Variants in TMEM232 observed in about 807,000 individuals in gnomAD.
The protein encoded by TMEM232 is transmembrane protein 232.
Under a neutral mutation model 78.8 loss-of-function variants are expected in TMEM232, and 80 were observed. The observed-to-expected ratio is 1.01, with a 90% CI of 0.85 to 1.22. The LOEUF (loss-of-function observed/expected upper bound fraction) is 1.22, where lower values mean the gene tolerates loss of function less well. Ranked by LOEUF, TMEM232 falls within the 50% of genes most tolerant of loss-of-function variation. The probability of loss-of-function intolerance (pLI) is 0.00; values close to 1 mark genes in which losing one functional copy is unlikely to be tolerated. For missense variants in TMEM232, 881 were observed against 742.2 expected (o/e 1.19, Z -2.17); for synonymous variants, 297 against 254.3 (o/e 1.17, Z -1.60).
chr5:110,595,146 C>A (rs971893111), intron 10 of TMEM232, among the ~76,000 whole-genome samples: 6 of 152,168 alleles, frequency 3.9e-5, no homozygotes, highest in African/African-American at 1.4e-4. Flanking sequence ...CTGGAGTGGA[C>A]CTCCAGCAAA....
intron 2 of TMEM232, among the ~76,000 whole-genome samples, chr5:110,732,561 C>T (rs1798782204): frequency 6.6e-6 from 1 of 152,102 alleles, no homozygotes; most frequent in South Asian, 2.1e-4. Context: ...AGCGGAAACC[C>T]CTGATAAGCC....
At chr5:110,547,930 G>A (rs535986427) in intron 11 of TMEM232, among the ~76,000 whole-genome samples, 156 of 145,502 alleles carry the variant, frequency 1.1e-3, no homozygotes, top group African/African-American at 3.6e-3. Context: ...CCCGGGAGGC[G>A]AAGGTTGCAG....
At chr5:110,701,267 A>G (rs893729025) in intron 1 of TMEM232, among the ~76,000 whole-genome samples, 4 of 151,996 alleles carry the variant, frequency 2.6e-5, no homozygotes, top group African/African-American at 9.7e-5. Flanking sequence ...GGTTCCAATC[A>G]TCTACTGAAA....
chr5:110,407,261 A>G (rs151176291), intron 2 of TMEM232, among the ~76,000 whole-genome samples: 3,368 of 152,208 alleles, frequency 0.022, 38 homozygotes, highest in South Asian at 0.03. Context: ...AGCTGAATGG[A>G]TAAAGAAACA....
chr5:110,606,332 A>T (rs1580339778), intron 8 of TMEM232, 45 bp from the exon 9 acceptor site: 3 of 1,448,388 alleles, frequency 2.1e-6, no homozygotes, highest in Non-Finnish European at 2.8e-6. Flanking sequence ...AATGGAAAAT[A>T]ATAATAATAA....
At chr5:110,393,128 A>G (rs898112559) in intron 3 of TMEM232, among the ~76,000 whole-genome samples, 2 of 152,204 alleles carry the variant, frequency 1.3e-5, no homozygotes, top group African/African-American at 4.8e-5. Flanking sequence ...ACACTTGTGT[A>G]TTCTGCTGTA....
chr5:110,700,390 G>A (rs1018411163), intron 1 of TMEM232, among the ~76,000 whole-genome samples: 2 of 151,978 alleles, frequency 1.3e-5, no homozygotes, highest in Admixed American at 6.6e-5. Context: ...TTGGGATTGC[G>A]TACACACTTC....
chr5:110,516,257 AT>A (rs947683876), intron 12 of TMEM232, among the ~76,000 whole-genome samples: 1 of 151,866 alleles, frequency 6.6e-6, no homozygotes, highest in Non-Finnish European at 1.5e-5. Flanking sequence ...CAAAAAAAAA[AT>A]TTTTTTTGAA....
chr5:110,487,304 T>A (rs1483064991), intron 12 of TMEM232, among the ~76,000 whole-genome samples: 1 of 152,130 alleles, frequency 6.6e-6, no homozygotes, highest in Non-Finnish European at 1.5e-5. Flanking sequence ...CCTTTATTTC[T>A]TTCTCTTGTC....
intron 2 of TMEM232, among the ~76,000 whole-genome samples, chr5:110,406,082 T>C (rs1755779098): frequency 6.6e-6 from 1 of 151,930 alleles, no homozygotes; most frequent in Non-Finnish European, 1.5e-5. Context: ...TGACTTCTCA[T>C]CAGAACACTG....
chr5:110,432,315 T>C (rs1000037717), intron 12 of TMEM232, among the ~76,000 whole-genome samples: 4 of 151,716 alleles, frequency 2.6e-5, no homozygotes, highest in Admixed American at 1.3e-4. Flanking sequence ...CCAGAAGATA[T>C]TGGGGGCCCA....
chr5:110,508,034 T>C (rs1310044444), intron 12 of TMEM232, among the ~76,000 whole-genome samples: 1 of 152,234 alleles, frequency 6.6e-6, no homozygotes, highest in Non-Finnish European at 1.5e-5. Flanking sequence ...CAATGTTGGC[T>C]TGCTTACATA....
At chr5:110,716,695 G>C (rs1797048788) in intron 1 of TMEM232, among the ~76,000 whole-genome samples, 1 of 152,108 alleles carries the variant, frequency 6.6e-6, no homozygotes, top group Admixed American at 6.6e-5. Flanking sequence ...TTACTAACAG[G>C]CCACGGCATT....
At chr5:110,567,626 G>A (rs1191283702) in intron 11 of TMEM232, among the ~76,000 whole-genome samples, 1 of 151,932 alleles carries the variant, frequency 6.6e-6, no homozygotes, top group African/African-American at 2.4e-5. Flanking sequence ...TAGTAGTCAA[G>A]CAGGCTGAGA....
intron 8 of TMEM232, among the ~76,000 whole-genome samples, chr5:110,609,047 G>A (rs955208324): frequency 2.0e-5 from 3 of 152,016 alleles, no homozygotes; most frequent in Non-Finnish European, 4.4e-5. Context: ...ATTTATAGAA[G>A]TTAGGAACAT....
At chr5:110,473,381 T>C (rs1762886937) in intron 12 of TMEM232, among the ~76,000 whole-genome samples, 1 of 151,842 alleles carries the variant, frequency 6.6e-6, no homozygotes, top group African/African-American at 2.4e-5. Context: ...CACAGTGAGA[T>C]ATCACCGCCC....
At chr5:110,533,776 C>G (rs969270462) in intron 11 of TMEM232, among the ~76,000 whole-genome samples, 4 of 152,128 alleles carry the variant, frequency 2.6e-5, no homozygotes, top group African/African-American at 7.2e-5. Context: ...CCCCACATTT[C>G]CTTCTTCCCT....
intron 12 of TMEM232, among the ~76,000 whole-genome samples, chr5:110,450,257 A>G (rs867551220): frequency 1.2e-4 from 18 of 152,308 alleles, no homozygotes; most frequent in Middle Eastern, 3.4e-3. Context: ...TCTTTATAAC[A>G]GTGTGAGAAT....
At chr5:110,662,224 T>C (rs1789897143) in intron 2 of TMEM232, among the ~76,000 whole-genome samples, 1 of 152,136 alleles carries the variant, frequency 6.6e-6, no homozygotes, top group Non-Finnish European at 1.5e-5. Context: ...TATATGCATA[T>C]AATTTATAAA....
Sources: gnomAD v4.1 joint callset for allele counts (sites outside exome capture counted in the v4.1 genomes callset) on GRCh38, gnomAD v4.1.1 for gene constraint, MANE v1.5 for transcripts, NCBI Gene and HGNC (gene_info 2026-07-23, HGNC 2026-07-21) for gene names.